Variants in ELOVL6 observed in about 807,000 individuals in gnomAD.
ELOVL6 encodes the protein very long chain fatty acid elongase 6.
Under a neutral mutation model 31.7 loss-of-function variants are expected in ELOVL6, and 8 were observed. That is an observed-to-expected ratio of 0.25 (90% CI 0.15 to 0.45). The LOEUF is 0.45. ELOVL6 is among the 20% of genes least tolerant of loss of function. The probability of loss-of-function intolerance (pLI) is 1.00; values close to 1 mark genes in which losing one functional copy is unlikely to be tolerated. For missense variants in ELOVL6, 126 were observed against 326.4 expected (o/e 0.39, Z 4.73); for synonymous variants, 101 against 117.7 (o/e 0.86, Z 0.92).
intron 2 of ELOVL6, among the ~76,000 whole-genome samples, chr4:110,085,671 C>T (rs1756243896): frequency 6.6e-6 from 1 of 152,170 alleles, no homozygotes; most frequent in African/African-American, 2.4e-5. Context: ...ACTTTAATTA[C>T]AGTAAAACAT....
chr4:110,073,120 A>C (rs1755537517), intron 2 of ELOVL6, among the ~76,000 whole-genome samples: 1 of 152,184 alleles, frequency 6.6e-6, no homozygotes, highest in African/African-American at 2.4e-5. Flanking sequence ...TTTTAAGGTC[A>C]ATCTGCTAGA....
At chr4:110,158,650 TATATATA>T (rs201865153) in intron 1 of ELOVL6, among the ~76,000 whole-genome samples, 7 of 91,652 alleles carry the variant, frequency 7.6e-5, no homozygotes, top group African/African-American at 4.3e-4. Flanking sequence ...TATATATATA[TATATATA>T]TTTTTTTTTT....
chr4:110,121,382 G>C (rs1404261202), intron 1 of ELOVL6, among the ~76,000 whole-genome samples: 1 of 152,194 alleles, frequency 6.6e-6, no homozygotes, highest in Admixed American at 6.5e-5. Context: ...AAAAGATCTA[G>C]ACTATGGTAA....
chr4:110,126,508 G>A (rs1413211431), intron 1 of ELOVL6, among the ~76,000 whole-genome samples: 1 of 152,146 alleles, frequency 6.6e-6, no homozygotes, highest in African/African-American at 2.4e-5. Context: ...TTTGATGCCA[G>A]TTTCCTCCAA....
At chr4:110,092,350 T>C (rs1311897546) in intron 2 of ELOVL6, among the ~76,000 whole-genome samples, 7 of 152,212 alleles carry the variant, frequency 4.6e-5, no homozygotes, top group African/African-American at 1.7e-4. Context: ...GCCGAGGTCA[T>C]AAGAGGCCTG....
At chr4:110,137,415 T>G (rs753990412) in intron 1 of ELOVL6, among the ~76,000 whole-genome samples, 3 of 152,130 alleles carry the variant, frequency 2.0e-5, no homozygotes, top group Admixed American at 1.3e-4. Flanking sequence ...GAGGTCAAAG[T>G]CAATCAGAAA....
chr4:110,194,650 C>T (rs1759719752), intron 1 of ELOVL6, among the ~76,000 whole-genome samples: 1 of 152,120 alleles, frequency 6.6e-6, no homozygotes. Context: ...GGGCCCCATT[C>T]CATTAACACG....
At chr4:110,119,075 A>G (rs760554648) in intron 1 of ELOVL6, among the ~76,000 whole-genome samples, 34 of 152,220 alleles carry the variant, frequency 2.2e-4, no homozygotes, top group Admixed American at 3.9e-4. Context: ...TTAATTAATT[A>G]AAATTAATAA....
chr4:110,197,591 T>A (rs1759846808), intron 1 of ELOVL6, among the ~76,000 whole-genome samples: 1 of 152,086 alleles, frequency 6.6e-6, no homozygotes, highest in South Asian at 2.1e-4. Flanking sequence ...TTATTACTGT[T>A]TTCATTGTCC....
chr4:110,171,333 T>C (rs1297966441), intron 1 of ELOVL6, among the ~76,000 whole-genome samples: 1 of 152,092 alleles, frequency 6.6e-6, no homozygotes, highest in East Asian at 1.9e-4. Flanking sequence ...CGCTTGAACC[T>C]GGGAATCAGA....
In ELOVL6 at chr4:110,046,744, T is replaced by C. The variant is rs1050977111; in HGVS notation, c.*4594A>G. On this transcript the variant is annotated 3_prime_UTR_variant, in exon 4 of 4. Transcript: ENST00000302274. ...ATTCAAGAAAATGCTGTGACTGCAC[T>C]GACACTTGTTTTGTGTAAGTCTTGG... 1.3e-5 allele frequency: 2 copies of C among 152,268 alleles called. No homozygotes were observed. The highest frequency in any genetic ancestry group is 1.3e-4 in the Admixed American group (2 of 15,284). 9.4% of individuals were successfully genotyped at this position (152,268 alleles called of 1,614,324 possible). A position where few individuals can be genotyped will look rare whatever the true frequency, so the allele number is the denominator to read the frequency against.
At chr4:110,143,507 TTTC>T (rs1175956119) in intron 1 of ELOVL6, among the ~76,000 whole-genome samples, 1 of 152,066 alleles carries the variant, frequency 6.6e-6, no homozygotes, top group Non-Finnish European at 1.5e-5. Context: ...TCTTATTATA[TTTC>T]TTATCTTATA....
At chr4:110,169,287 G>A (rs1758874330) in intron 1 of ELOVL6, among the ~76,000 whole-genome samples, 2 of 142,854 alleles carry the variant, frequency 1.4e-5, no homozygotes, top group African/African-American at 5.1e-5. Context: ...CACCCAGGTT[G>A]GAGTGCAGTG....
At chr4:110,196,463 G>A (rs1193556398) in intron 1 of ELOVL6, among the ~76,000 whole-genome samples, 2 of 152,180 alleles carry the variant, frequency 1.3e-5, no homozygotes, top group South Asian at 4.1e-4. Context: ...TAAGCGGGAG[G>A]AGGAAGTGCA....
chr4:110,132,027 G>C (rs938186812), intron 1 of ELOVL6, among the ~76,000 whole-genome samples: 5 of 152,144 alleles, frequency 3.3e-5, no homozygotes, highest in African/African-American at 1.2e-4. Context: ...AGTGGGGTGG[G>C]GTGCAGGTTG....
At chr4:110,191,164 T>C (rs942660063) in intron 1 of ELOVL6, among the ~76,000 whole-genome samples, 1 of 152,132 alleles carries the variant, frequency 6.6e-6, no homozygotes, top group South Asian at 2.1e-4. Context: ...CTAAAATAAA[T>C]TATTGGAGGG....
chr4:110,084,580 ATATATATATTTTTT>A (rs1454941176), intron 2 of ELOVL6, among the ~76,000 whole-genome samples: 20 of 55,326 alleles, frequency 3.6e-4, no homozygotes, highest in East Asian at 2.9e-3. Flanking sequence ...ATATATATAT[ATATATATATTTTTT>A]TTTTTTTTTT....
chr4:110,184,098 C>T (rs1759374625), intron 1 of ELOVL6, among the ~76,000 whole-genome samples: 1 of 152,158 alleles, frequency 6.6e-6, no homozygotes, highest in South Asian at 2.1e-4. Context: ...CATGGATTCA[C>T]TGATAATTAG....
At position 110,084,447 on chromosome 4, in the gene ELOVL6, C is replaced by CACATATAT. The variant is rs779545208; in HGVS notation, c.221+21049_221+21050insATATATGT. ...ATCACATATATCATATATGATATAT[C>CACATATAT]GCATATATCATATATGATATATAAC... On this transcript the variant is annotated intron_variant, in intron 2 of 3. Transcript: ENST00000302274. 2.1e-3 allele frequency among the ~76,000 whole-genome samples: 233 copies of CACATATAT among 109,796 alleles called. 22 individuals are homozygous for CACATATAT. The highest frequency in any genetic ancestry group is 8.1e-3 in the African/African-American group (184 of 22,750). The allele number at this position is 109,796 out of a possible 152,430, so 72.0% of individuals were successfully genotyped here.
Sources: gnomAD v4.1 joint callset for allele counts (sites outside exome capture counted in the v4.1 genomes callset) on GRCh38, gnomAD v4.1.1 for gene constraint, MANE v1.5 for transcripts, NCBI Gene and HGNC (gene_info 2026-07-23, HGNC 2026-07-21) for gene names.